ANK2: variants seen among roughly 807,000 people sequenced by gnomAD.
The protein encoded by ANK2 is ankyrin-2.
Under a neutral mutation model 360.5 loss-of-function variants are expected in ANK2, and 83 were observed. That is an observed-to-expected ratio of 0.23 (90% CI 0.19 to 0.28). The LOEUF is 0.28. Ranked by LOEUF, ANK2 falls within the 10% of genes least tolerant of loss-of-function variation. The pLI is 1.00. For synonymous variants in ANK2, 1,740 were observed against 1,759.5 expected (o/e 0.99, Z 0.28); for missense variants, 4,201 against 4,795.7 (o/e 0.88, Z 3.66).
At chr4:112,830,820 C>T (rs1306136739) in intron 1 of ANK2, among the ~76,000 whole-genome samples, 1 of 152,114 alleles carries the variant, frequency 6.6e-6, no homozygotes, top group African/African-American at 2.4e-5. Context: ...GAGGCGTGGG[C>T]AGGAACCGGG....
chr4:113,082,685 A>C (rs2154348180), intron 1 of ANK2, among the ~76,000 whole-genome samples: 1 of 152,340 alleles, frequency 6.6e-6, no homozygotes, highest in Admixed American at 6.5e-5. Context: ...ATTGTGGATA[A>C]GAGCTTCGTA....
At chr4:112,738,885 A>ACAAT in the ANK2 span, 16 of 669,146 alleles carry the variant, frequency 2.4e-5, no homozygotes, top group Non-Finnish European at 4.1e-5. Flanking sequence ...AAACAAACAA[A>ACAAT]CAAAAAAACA....
At chr4:112,988,280 C>G (rs2045617712) in intron 2 of ANK2, among the ~76,000 whole-genome samples, 1 of 152,162 alleles carries the variant, frequency 6.6e-6, no homozygotes, top group African/African-American at 2.4e-5. Context: ...TACTGGAAAT[C>G]AAGTATACTC....
intron 1 of ANK2, among the ~76,000 whole-genome samples, chr4:113,069,076 G>GAGAAA (rs112982166): frequency 7.3e-5 from 11 of 150,766 alleles, no homozygotes; most frequent in Non-Finnish European, 1.3e-4. Flanking sequence ...AAGAAAAGAA[G>GAGAAA]AGAAAAGAAA....
At chr4:113,327,328 T>C (rs900709104) in intron 26 of ANK2, among the ~76,000 whole-genome samples, 1 of 152,214 alleles carries the variant, frequency 6.6e-6, no homozygotes, top group African/African-American at 2.4e-5. Flanking sequence ...TCTCTCTATA[T>C]ACATTAGAGC....
chr4:112,791,719 C>T, the ANK2 span, among the ~76,000 whole-genome samples: 12 of 151,926 alleles, frequency 7.9e-5, no homozygotes, highest in African/African-American at 2.9e-4. Context: ...TCTCCATCTC[C>T]TAGACTTGTG....
intron 1 of ANK2, among the ~76,000 whole-genome samples, chr4:113,118,455 T>C (rs986883391): frequency 6.6e-6 from 1 of 152,172 alleles, no homozygotes; most frequent in African/African-American, 2.4e-5. Flanking sequence ...GGGGATGTTG[T>C]CTTTGCCTCA....
intron 2 of ANK2, among the ~76,000 whole-genome samples, chr4:112,938,464 G>T (rs2093939350): frequency 6.6e-6 from 1 of 152,188 alleles, no homozygotes; most frequent in Admixed American, 6.5e-5. Context: ...TGTCTTATGA[G>T]AGAAGGTGGT....
chr4:112,942,946 T>G (rs890379778), intron 2 of ANK2, among the ~76,000 whole-genome samples: 6 of 152,062 alleles, frequency 3.9e-5, no homozygotes, highest in African/African-American at 1.4e-4. Context: ...GAAGAAGTGC[T>G]AAATGGAACT....
intron 14 of ANK2, among the ~76,000 whole-genome samples, chr4:113,272,022 G>A (rs769696801): frequency 3.9e-5 from 6 of 152,192 alleles, no homozygotes; most frequent in African/African-American, 7.2e-5. Context: ...TTTAGGGATC[G>A]AGCAATCCCA....
At chr4:112,822,279 G>A (rs1250994907) in intron 1 of ANK2, among the ~76,000 whole-genome samples, 4 of 149,776 alleles carry the variant, frequency 2.7e-5, no homozygotes, top group Non-Finnish European at 4.4e-5. Context: ...TTAGCCGGGC[G>A]TGGTGGCATG....
chr4:112,888,369 C>T (rs902590121), intron 1 of ANK2, among the ~76,000 whole-genome samples: 2 of 152,074 alleles, frequency 1.3e-5, no homozygotes, highest in African/African-American at 4.8e-5. Flanking sequence ...AAAGTCAGAA[C>T]ACGCTCATAT....
chr4:113,187,996 A>G (rs761829571), intron 2 of ANK2, among the ~76,000 whole-genome samples: 3 of 152,158 alleles, frequency 2.0e-5, no homozygotes, highest in African/African-American at 4.8e-5. Flanking sequence ...GCGTATATAC[A>G]TATGTACATA....
intron 1 of ANK2, among the ~76,000 whole-genome samples, chr4:113,102,158 T>C (rs976209869): frequency 6.6e-6 from 1 of 152,022 alleles, no homozygotes; most frequent in Non-Finnish European, 1.5e-5. Context: ...TAGGATGTTA[T>C]GGTTATAGAC....
chr4:112,745,535 T>TC, the ANK2 span, among the ~76,000 whole-genome samples: 1 of 149,736 alleles, frequency 6.7e-6, no homozygotes, highest in African/African-American at 2.5e-5. Flanking sequence ...CTAGATCTTT[T>TC]TTTTTTTTTT....
chr4:113,297,696 C>T (rs2072551670), intron 22 of ANK2, among the ~76,000 whole-genome samples: 1 of 152,034 alleles, frequency 6.6e-6, no homozygotes, highest in South Asian at 2.1e-4. Flanking sequence ...GCCATTCTTG[C>T]ACAAACAATA....
the ANK2 span, among the ~76,000 whole-genome samples, chr4:112,769,532 C>A: frequency 1.3e-5 from 2 of 152,184 alleles, no homozygotes; most frequent in South Asian, 2.1e-4. Context: ...CTTCTTCATT[C>A]TTCCTCAGAA....
chr4:112,850,290 ATCT>A (rs2064413477), intron 1 of ANK2, among the ~76,000 whole-genome samples: 1 of 135,164 alleles, frequency 7.4e-6, no homozygotes, highest in Admixed American at 7.3e-5. Flanking sequence ...CTATCTATCT[ATCT>A]ATCTATCTAA....
the ANK2 span, among the ~76,000 whole-genome samples, chr4:112,746,335 A>G: frequency 8.5e-5 from 13 of 152,088 alleles, no homozygotes; most frequent in Admixed American, 3.9e-4. Context: ...AAAAAAGTTC[A>G]AATGTTGTTT....
Sources: allele counts gnomAD v4.1 joint callset (sites outside exome capture counted in the v4.1 genomes callset), GRCh38; gene constraint gnomAD v4.1.1; transcripts MANE v1.5; gene names NCBI Gene and HGNC (gene_info 2026-07-23, HGNC 2026-07-21).